Variants in RHBDD3 observed in about 807,000 individuals in gnomAD.
RHBDD3 encodes the protein rhomboid domain containing 3, also known as rhomboid domain-containing protein 3.
Under a neutral mutation model 32.3 loss-of-function variants are expected in RHBDD3, and 34 were observed. That is an observed-to-expected ratio of 1.05 (90% confidence interval 0.80 to 1.40). The LOEUF is 1.40. RHBDD3 is among the 40% of genes most tolerant of loss of function. The pLI is 0.00. For missense variants in RHBDD3, 482 were observed against 492.6 expected (o/e 0.98, Z 0.20); for synonymous variants, 249 against 239.1 (o/e 1.04, Z -0.38).
intron 4 of RHBDD3, among the ~76,000 whole-genome samples, chr22:29,262,863 C>G (rs761314845): frequency 2.6e-5 from 4 of 152,100 alleles, no homozygotes; most frequent in Non-Finnish European, 4.4e-5. Context: ...CCTGCCACCA[C>G]GCCTGGCTAA....
intron 4 of RHBDD3, 68 bp downstream of exon 4, chr22:29,263,767 T>C (rs2058145415): frequency 1.4e-6 from 2 of 1,457,296 alleles, no homozygotes; most frequent in Non-Finnish European, 1.8e-6. Context: ...TTTGTGCCAC[T>C]TCCTTCCCAG....
At chr22:29,262,711 T>C (rs1197544276) in intron 4 of RHBDD3, among the ~76,000 whole-genome samples, 1 of 152,132 alleles carries the variant, frequency 6.6e-6, no homozygotes, top group Non-Finnish European at 1.5e-5. Context: ...AGGCTTTTAA[T>C]TTTCTTTTTT....
At position 29,260,242 on chromosome 22, in the gene RHBDD3, T is replaced by TG; in HGVS notation, c.984-6dup. ...ATGCGCTCCAGCTGCTGCAGCCTGTTGGGGGTGGGGGGAGAAGTGGGGAGT... is the reference window on the plus strand; with the variant it reads ...ATGCGCTCCAGCTGCTGCAGCCTGTTGGGGGGTGGGGGGAGAAGTGGGGAGT... On this transcript the variant is annotated splice_polypyrimidine_tract_variant and splice_region_variant and intron_variant, in intron 6 of 6. Coordinates refer to ENST00000216085, the MANE Select transcript of RHBDD3 (RefSeq NM_012265.3). 3 of 1,601,770 alleles carry TG rather than the reference T, an allele frequency of 1.9e-6. No individual in the cohort carries two copies. The East Asian group carries it at 6.7e-5, about 36-fold the overall frequency.
At chr22:29,266,731 G>C (rs2058198508) in intron 2 of RHBDD3, among the ~76,000 whole-genome samples, 1 of 152,216 alleles carries the variant, frequency 6.6e-6, no homozygotes, top group South Asian at 2.1e-4. Context: ...GACTCCCACT[G>C]AGCTGATTCA....
chr22:29,265,164 C>T (rs2146523402), intron 3 of RHBDD3: 1 of 217,534 alleles, frequency 4.6e-6, no homozygotes, highest in African/African-American at 2.3e-5. Flanking sequence ...CCACCTGCCT[C>T]AGCTTCCCAA....
At chr22:29,260,665 C>T in intron 5 of RHBDD3, 37 bp downstream of exon 5, 1 of 1,553,720 alleles carries the variant, frequency 6.4e-7, no homozygotes, top group Non-Finnish European at 8.7e-7. Flanking sequence ...GCCACAGTGC[C>T]CACCACCTGG....
upstream of RHBDD3, chr22:29,268,131 C>G (rs180730916): frequency 7.3e-5 from 47 of 640,310 alleles, no homozygotes; most frequent in African/African-American, 8.2e-4. Flanking sequence ...CCGAGTGTCA[C>G]GTCGGGCGCT....
At position 29,260,012 on chromosome 22, in the gene RHBDD3, C is replaced by T; in HGVS notation, c.*48G>A. On this transcript the variant is annotated 3_prime_UTR_variant, in exon 7 of 7. Transcript: ENST00000216085. ...GAGCTCGGGCTACCCACATGCAGCC[C>T]AGCCCTTAGCACCCAAGGGCCTGCC... 6.5e-7 allele frequency: 1 copy of T among 1,531,546 alleles called. No homozygotes were observed. The highest frequency in any genetic ancestry group is 2.5e-5 in the East Asian group (1 of 40,814). The allele number at this position is 1,531,546 out of a possible 1,614,324, so 94.9% of individuals were successfully genotyped here.
Position 29,265,476 on chromosome 22 carries a change from C to T in RHBDD3, c.148+3G>A. 1.3e-6 allele frequency: 2 copies of T among 1,525,922 alleles called. No individual in the cohort carries two copies. Among genetic ancestry groups the T allele is most frequent in the Non-Finnish European group, 1.7e-6 (2 of 1,144,000 alleles). The allele number at this position is 1,525,922 out of a possible 1,614,324, so 94.5% of individuals were successfully genotyped here. On this transcript the variant is annotated splice_donor_region_variant and intron_variant, in intron 3 of 6. Transcript: ENST00000216085. ...CTCCAAGGTCCACGTGGCTGGCCCTCACCCTGCCAGGGGTCCAGCAACAGC... is the reference window on the plus strand; with the variant it reads ...CTCCAAGGTCCACGTGGCTGGCCCTTACCCTGCCAGGGGTCCAGCAACAGC...
chr22:29,264,450 C>T, intron 3 of RHBDD3: 2 of 1,314,362 alleles, frequency 1.5e-6, no homozygotes, highest in Non-Finnish European at 1.9e-6. Context: ...ACTGGACGTG[C>T]CACTCAGTCT....
At chr22:29,265,913 G>C (rs558436748) in intron 2 of RHBDD3, among the ~76,000 whole-genome samples, 39 of 152,152 alleles carry the variant, frequency 2.6e-4, no homozygotes, top group African/African-American at 9.4e-4. Flanking sequence ...AGTCCTGATA[G>C]GCCCTGAACT....
rs374073546 is a variant in RHBDD3 at position 29,265,433 on chromosome 22, C to T, written c.148+46G>A. ...TCCTGCCAAGTGGGCCCAGGCCCTA[C>T]AGCAAGTCTCCTGCTTCCTCCAAGG... On this transcript the variant is annotated intron_variant, in intron 3 of 6. Transcript: ENST00000216085. 19 of 1,460,442 alleles carry T rather than the reference C, an allele frequency of 1.3e-5. No individual in the cohort carries two copies. In the African/African-American group the frequency reaches 2.2e-4, roughly 17 times the overall value. The allele number at this position is 1,460,442 out of a possible 1,614,324, so 90.5% of individuals were successfully genotyped here. A position where few individuals can be genotyped will look rare whatever the true frequency, so the allele number is the denominator to read the frequency against.
intron 2 of RHBDD3, among the ~76,000 whole-genome samples, chr22:29,265,885 C>G (rs1307465523): frequency 6.6e-6 from 1 of 152,088 alleles, no homozygotes; most frequent in Non-Finnish European, 1.5e-5. Context: ...TGGCAGGGGA[C>G]AGGCATAGAG....
intron 4 of RHBDD3, among the ~76,000 whole-genome samples, chr22:29,262,367 G>A (rs1365099151): frequency 6.6e-6 from 1 of 152,126 alleles, no homozygotes; most frequent in Non-Finnish European, 1.5e-5. Context: ...CTGAACTCCT[G>A]ACCTCAAGTG....
At chr22:29,266,646 G>T (rs997376132) in intron 2 of RHBDD3, among the ~76,000 whole-genome samples, 8 of 152,108 alleles carry the variant, frequency 5.3e-5, no homozygotes, top group African/African-American at 1.7e-4. Flanking sequence ...CTTCTCCCCC[G>T]TGCTGTTCTC....
upstream of RHBDD3, chr22:29,268,017 C>A (rs965330135): frequency 2.2e-6 from 1 of 458,136 alleles, no homozygotes; most frequent in Non-Finnish European, 4.0e-6. Flanking sequence ...CTAGAGCCAG[C>A]GGACGGAACC....
intron 2 of RHBDD3, 83 bp from the exon 3 acceptor site, chr22:29,265,751 C>T (rs1264504793): frequency 7.5e-7 from 1 of 1,335,984 alleles, no homozygotes; most frequent in Non-Finnish European, 9.8e-7. Context: ...ATCAACAGCC[C>T]TATTTTACAG....
chr22:29,268,132 G>A (rs116729446), upstream of RHBDD3: 2,071 of 641,844 alleles, frequency 3.2e-3, 40 homozygotes, highest in African/African-American at 0.034. Context: ...CGAGTGTCAC[G>A]TCGGGCGCTC....
intron 4 of RHBDD3, 31 bp from the exon 5 acceptor site, chr22:29,260,895 G>A (rs1316556345): frequency 1.1e-5 from 16 of 1,518,438 alleles, no homozygotes; most frequent in Non-Finnish European, 1.4e-5. Flanking sequence ...GGCCGGTCAA[G>A]GAAAACCAAA....
Sources: allele counts gnomAD v4.1 joint callset (sites outside exome capture counted in the v4.1 genomes callset), GRCh38; gene constraint gnomAD v4.1.1; transcripts MANE v1.5; gene names NCBI Gene and HGNC (gene_info 2026-07-23, HGNC 2026-07-21).